The following EXOC6B variants were observed in gnomAD, a reference collection of about 807,000 sequenced individuals.
EXOC6B encodes the protein SEC15 homolog B.
In EXOC6B, 54 loss-of-function variants were observed where a neutral mutation model predicts 113.5. The observed-to-expected ratio is 0.48, with a 90% confidence interval of 0.38 to 0.60. The LOEUF is 0.60. Ranked by LOEUF, EXOC6B falls within the 20% of genes least tolerant of loss-of-function variation. EXOC6B has a pLI of 0.00. For synonymous variants in EXOC6B, 357 were observed against 339.0 expected (o/e 1.05, Z -0.58); for missense variants, 797 against 977.5 (o/e 0.82, Z 2.46).
chr2:72,825,844 G>T lies in EXOC6B; in HGVS notation c.67C>A (p.Arg23=), dbSNP rs1179904356. The change falls in exon 1 of 22, where the codon CGA becomes AGA. Residue 23 remains arginine (R), a synonymous_variant. Coordinates refer to ENST00000272427, the MANE Select transcript of EXOC6B (RefSeq NM_015189.3). This position sits in a 1 kb window ranked among gnomAD's most constrained non-coding sequence, Gnocchi z 4.4. The part of the protein sequence containing the change: ...ETAAEHERIL[R]EIESTDTACI... ...GCCGTGTCAGTGCTCTCGATCTCTC[G>T]CAGGATCCGCTCGTGCTCTGCCGCT... 1.2e-6 allele frequency: 2 copies of T among 1,613,352 alleles called. No homozygotes were observed. The highest frequency in any genetic ancestry group is 1.7e-6 in the Non-Finnish European group (2 of 1,179,710).
chr2:72,627,038 T>C (rs562390261), intron 6 of EXOC6B, among the ~76,000 whole-genome samples: 1 of 152,212 alleles, frequency 6.6e-6, no homozygotes, highest in Non-Finnish European at 1.5e-5. Flanking sequence ...TGAAGATTTA[T>C]GGAGGAAGAC....
chr2:72,705,756 G>A (rs2088990396), intron 6 of EXOC6B, among the ~76,000 whole-genome samples: 1 of 151,484 alleles, frequency 6.6e-6, no homozygotes, highest in Admixed American at 6.6e-5. Context: ...GAACAACTTA[G>A]GTGGCCACAA....
At chr2:72,802,138 CA>C (rs1685313679) in intron 1 of EXOC6B, among the ~76,000 whole-genome samples, 3 of 152,084 alleles carry the variant, frequency 2.0e-5, no homozygotes, top group African/African-American at 4.8e-5. Flanking sequence ...GCCTGACCAA[CA>C]TGGTGAAACC....
At chr2:72,722,554 C>T (rs1680076486) in intron 5 of EXOC6B, among the ~76,000 whole-genome samples, 1 of 151,938 alleles carries the variant, frequency 6.6e-6, no homozygotes, top group South Asian at 2.1e-4. Flanking sequence ...GTTTTATTCC[C>T]CCTAAATTTA....
intron 18 of EXOC6B, among the ~76,000 whole-genome samples, chr2:72,460,656 A>C (rs1459443978): frequency 1.3e-5 from 2 of 152,242 alleles, no homozygotes; most frequent in Non-Finnish European, 2.9e-5. Flanking sequence ...AATCACAATG[A>C]GATACCATCT....
intron 1 of EXOC6B, among the ~76,000 whole-genome samples, chr2:72,824,222 CA>C (rs1159490842): frequency 1.4e-3 from 214 of 152,090 alleles, no homozygotes; most frequent in African/African-American, 4.6e-3. Flanking sequence ...CCCATCTCTA[CA>C]AAAAGTTTAA....
chr2:72,640,168 G>T (rs1294467643), intron 6 of EXOC6B, among the ~76,000 whole-genome samples: 1 of 152,152 alleles, frequency 6.6e-6, no homozygotes, highest in Non-Finnish European at 1.5e-5. Flanking sequence ...GTATAGAAAA[G>T]ATGGTAACTG....
At chr2:72,528,152 C>T (rs1031826532) in intron 8 of EXOC6B, among the ~76,000 whole-genome samples, 4 of 151,896 alleles carry the variant, frequency 2.6e-5, no homozygotes, top group African/African-American at 9.7e-5. Flanking sequence ...AGATTTTCCC[C>T]TATTTTTTTC....
intron 1 of EXOC6B, among the ~76,000 whole-genome samples, chr2:72,754,503 G>A (rs1000792182): frequency 4.0e-5 from 6 of 151,640 alleles, no homozygotes; most frequent in Admixed American, 6.6e-5. Context: ...AAGTGCTGGC[G>A]TTATAGGGTG....
chr2:72,520,885 C>A (rs1260895266), intron 8 of EXOC6B, among the ~76,000 whole-genome samples: 1 of 152,092 alleles, frequency 6.6e-6, no homozygotes, highest in Non-Finnish European at 1.5e-5. Flanking sequence ...TTCTCCAGCA[C>A]AGGATGAACT....
At chr2:72,182,954 A>C (rs1393803405) in intron 21 of EXOC6B, 2 of 1,203,420 alleles carry the variant, frequency 1.7e-6, no homozygotes, top group Non-Finnish European at 2.1e-6. Context: ...ACAAAGTTAA[A>C]ATGGAAACAT....
chr2:72,700,082 AGTT>A (rs978190579), intron 6 of EXOC6B, among the ~76,000 whole-genome samples: 7 of 152,220 alleles, frequency 4.6e-5, no homozygotes, highest in African/African-American at 1.7e-4. Context: ...CTATGCAAAT[AGTT>A]GTTATACTAT....
At chr2:72,390,894 C>T (rs1335897396) in intron 18 of EXOC6B, among the ~76,000 whole-genome samples, 1 of 152,180 alleles carries the variant, frequency 6.6e-6, no homozygotes, top group Non-Finnish European at 1.5e-5. Context: ...ACTTTTCGCC[C>T]TATACATTAA....
chr2:72,674,795 T>G (rs1676171870), intron 6 of EXOC6B, among the ~76,000 whole-genome samples: 1 of 150,396 alleles, frequency 6.6e-6, no homozygotes, highest in Non-Finnish European at 1.5e-5. Context: ...TGAGACTCCA[T>G]CTCAAAAAAA....
At chr2:72,565,374 A>AT (rs1704104986) in intron 7 of EXOC6B, among the ~76,000 whole-genome samples, 1 of 149,342 alleles carries the variant, frequency 6.7e-6, no homozygotes, top group African/African-American at 2.5e-5. Flanking sequence ...AAAAAAAAAA[A>AT]GCTGAACACT....
At chr2:72,501,819 G>A (rs1254894356) in intron 11 of EXOC6B, among the ~76,000 whole-genome samples, 1 of 150,244 alleles carries the variant, frequency 6.7e-6, no homozygotes, top group East Asian at 2.0e-4. Flanking sequence ...GAGTGCAGTG[G>A]CAGGATCATA....
rs575344924 is a variant in EXOC6B at position 72,397,778 on chromosome 2, A to G, written c.1981-17908T>C. 2.2e-4 allele frequency among the ~76,000 whole-genome samples: 34 copies of G among 152,166 alleles called. 1 individual carries two copies. The highest frequency in any genetic ancestry group is 1.4e-3 in the Admixed American group (21 of 15,294). ...AAATCATATGAGAGATGTGCACATC[A>G]TTAGCATATAAATGATGTGAATATA... is the stretch of plus-strand genomic sequence containing the variant. On this transcript the variant is annotated intron_variant, in intron 18 of 21. Transcript: ENST00000272427.
chr2:72,764,364 C>CTTTTTTTTTT (rs397869115), intron 1 of EXOC6B, among the ~76,000 whole-genome samples: 4 of 66,814 alleles, frequency 6.0e-5, no homozygotes, highest in Admixed American at 2.4e-4. Context: ...TATTTTCTCT[C>CTTTTTTTTTT]TTTTTTTTTT....
Position 72,825,691 on chromosome 2 carries a change from G to C in EXOC6B, c.113+107C>G, listed in dbSNP as rs1054320859. On this transcript the variant is annotated intron_variant, in intron 1 of 21. Transcript: ENST00000272427. This position sits in a 1 kb window ranked among gnomAD's most constrained non-coding sequence, Gnocchi z 4.4. ...CCGGTATGCAGGGTCTCTCCGAAGGGAGGGGCCGGCGCCGGACCTGGGGAC... is the reference window on the plus strand; with the variant it reads ...CCGGTATGCAGGGTCTCTCCGAAGGCAGGGGCCGGCGCCGGACCTGGGGAC... 4.5e-6 allele frequency: 6 copies of C among 1,320,276 alleles called. No individual in the cohort carries two copies. Among genetic ancestry groups the C allele is most frequent in the Non-Finnish European group, 6.0e-6 (6 of 1,008,216 alleles). 81.8% of individuals were successfully genotyped at this position (1,320,276 alleles called of 1,614,324 possible).
Sources: gnomAD v4.1 joint callset for allele counts (sites outside exome capture counted in the v4.1 genomes callset) on GRCh38, gnomAD v4.1.1 for gene constraint, Gnocchi (gnomAD v3.1) non-coding constraint, MANE v1.5 for transcripts, NCBI Gene and HGNC (gene_info 2026-07-23, HGNC 2026-07-21) for gene names.